The following RFX3 variants were observed in gnomAD, a reference collection of about 807,000 sequenced individuals.
RFX3 encodes transcription factor RFX3.
A neutral mutation model predicts 98.6 loss-of-function variants in RFX3; 14 were observed. That is an observed-to-expected ratio of 0.14 (90% CI 0.09 to 0.22). RFX3 has a LOEUF of 0.22. RFX3 is among the 10% of genes least tolerant of loss of function. The probability of loss-of-function intolerance (pLI) is 1.00; values close to 1 mark genes in which losing one functional copy is unlikely to be tolerated. For synonymous variants in RFX3, 383 were observed against 328.4 expected, an observed-to-expected ratio of 1.17 and a Z score of -1.80; for missense variants, 639 against 926.9, an observed-to-expected ratio of 0.69 and a Z score of 4.03.
chr9:3,374,092 GCACA>G (rs35924655), intron 2 of RFX3, among the ~76,000 whole-genome samples: 3,492 of 147,890 alleles, frequency 0.024, 73 homozygotes, highest in African/African-American at 0.058. Flanking sequence ...ACACACGCGC[GCACA>G]CACACACACA....
At chr9:3,418,579 C>A (rs2132305806) in intron 1 of RFX3, among the ~76,000 whole-genome samples, 1 of 152,154 alleles carries the variant, frequency 6.6e-6, no homozygotes, top group Non-Finnish European at 1.5e-5. Context: ...GGGGTTTCAC[C>A]AAGTTGGCCA....
rs562283445 is a variant in RFX3, at chr9:3,467,112, A to G, written c.-9+58635T>C. On this transcript the variant is annotated intron_variant, in intron 1 of 16. Coordinates refer to ENST00000617270, the MANE Select transcript of RFX3 (RefSeq NM_001282116.2). ...TACATATATGTAAGTATATATGTAT[A>G]TACATACATATATGTAAGTATATAT... Among the ~76,000 whole-genome samples the G allele has an allele frequency of 1.1e-4, 15 of 141,024 alleles. 1 individual carries two copies. The East Asian group carries it at 2.4e-3, about 22-fold the overall frequency. The allele number at this position is 141,024 out of a possible 152,430, so 92.5% of individuals were successfully genotyped here. A position where few individuals can be genotyped will look rare whatever the true frequency, so the allele number is the denominator to read the frequency against.
chr9:3,351,305 G>A (rs905736195), intron 2 of RFX3, among the ~76,000 whole-genome samples: 2 of 151,802 alleles, frequency 1.3e-5, no homozygotes, highest in East Asian at 1.9e-4. Context: ...TTTAAAGTGT[G>A]TATGCACATA....
intron 1 of RFX3, among the ~76,000 whole-genome samples, chr9:3,502,758 C>CAATG (rs1412989783): frequency 2.0e-5 from 3 of 152,050 alleles, no homozygotes; most frequent in Non-Finnish European, 4.4e-5. Flanking sequence ...CAAGGCAGAG[C>CAATG]AATGGACTGG....
chr9:3,284,850 T>C (rs1000927885), intron 7 of RFX3, among the ~76,000 whole-genome samples: 1 of 151,732 alleles, frequency 6.6e-6, no homozygotes, highest in African/African-American at 2.4e-5. Context: ...CTCTATGACA[T>C]CTGCTTTCCA....
At chr9:3,321,916 T>C (rs1350835213) in intron 4 of RFX3, among the ~76,000 whole-genome samples, 1 of 152,140 alleles carries the variant, frequency 6.6e-6, no homozygotes. Context: ...TCACAGGCAA[T>C]GCCTCCTTTA....
At chr9:3,470,440 G>A (rs531051199) in intron 1 of RFX3, among the ~76,000 whole-genome samples, 89 of 150,550 alleles carry the variant, frequency 5.9e-4, no homozygotes, top group Non-Finnish European at 9.9e-4. Flanking sequence ...TTAGCCTCCC[G>A]AGTAGCTGGG....
chr9:3,376,213 A>C (rs1838472560), intron 2 of RFX3, among the ~76,000 whole-genome samples: 1 of 152,240 alleles, frequency 6.6e-6, no homozygotes. Context: ...TCAAGCAAGT[A>C]GAACTCTCAT....
At chr9:3,407,957 G>T (rs1160067912) in intron 1 of RFX3, among the ~76,000 whole-genome samples, 1 of 152,118 alleles carries the variant, frequency 6.6e-6, no homozygotes, top group African/African-American at 2.4e-5. Context: ...ATGTGCCACA[G>T]TGATTTCAGA....
chr9:3,376,993 G>C (rs1462898444), intron 2 of RFX3, among the ~76,000 whole-genome samples: 3 of 152,348 alleles, frequency 2.0e-5, no homozygotes, highest in African/African-American at 4.8e-5. Context: ...TACACTGTTG[G>C]TGGGACTGTA....
intron 1 of RFX3, among the ~76,000 whole-genome samples, chr9:3,504,062 C>T (rs984780231): frequency 4.7e-5 from 7 of 149,192 alleles, no homozygotes; most frequent in Non-Finnish European, 1.0e-4. Context: ...TTGAAAATGG[C>T]TCAATCGGCT....
At chr9:3,311,715 T>C (rs545349352) in intron 4 of RFX3, among the ~76,000 whole-genome samples, 28 of 150,832 alleles carry the variant, frequency 1.9e-4, no homozygotes, top group Admixed American at 1.7e-3. Context: ...CAAAACCTCA[T>C]CTCTACTAAA....
At chr9:3,454,044 G>T (rs1185715295) in intron 1 of RFX3, among the ~76,000 whole-genome samples, 1 of 152,004 alleles carries the variant, frequency 6.6e-6, no homozygotes, top group African/African-American at 2.4e-5. Context: ...TGTTTAAATG[G>T]ATATTTGAGT....
At chr9:3,346,608 A>G (rs1292353137) in intron 3 of RFX3, 59 bp downstream of exon 3, 1 of 1,096,846 alleles carries the variant, frequency 9.1e-7, no homozygotes, top group Non-Finnish European at 1.4e-6. Flanking sequence ...GAGGTGTTCA[A>G]AAGTACATTA....
At chr9:3,371,699 T>C (rs1350595879) in intron 2 of RFX3, among the ~76,000 whole-genome samples, 1 of 152,100 alleles carries the variant, frequency 6.6e-6, no homozygotes, top group Non-Finnish European at 1.5e-5. Flanking sequence ...AATTACTAAA[T>C]GATTGAGAAA....
chr9:3,432,315 A>T (rs7850133), intron 1 of RFX3, among the ~76,000 whole-genome samples: 5,675 of 152,196 alleles, frequency 0.037, 374 homozygotes, highest in African/African-American at 0.13. Context: ...CTCTAGATAA[A>T]GGGTCATAAG....
At chr9:3,330,820 C>T (rs1832507305) in intron 3 of RFX3, among the ~76,000 whole-genome samples, 1 of 152,116 alleles carries the variant, frequency 6.6e-6, no homozygotes, top group Non-Finnish European at 1.5e-5. Context: ...TCTTGCTGAA[C>T]AACTTCAATT....
At chr9:3,480,183 C>A (rs1849617827) in intron 1 of RFX3, among the ~76,000 whole-genome samples, 1 of 152,216 alleles carries the variant, frequency 6.6e-6, no homozygotes, top group African/African-American at 2.4e-5. Flanking sequence ...GCAGTTCTTA[C>A]AGTCATCTTG....
At chr9:3,270,744 A>G (rs1006596092) in intron 10 of RFX3, 5 of 666,848 alleles carry the variant, frequency 7.5e-6, no homozygotes, top group Non-Finnish European at 1.3e-5. Flanking sequence ...TTCTGACGGT[A>G]TGAAAGGCAG....
Sources: gnomAD v4.1 joint callset for allele counts (sites outside exome capture counted in the v4.1 genomes callset) on GRCh38, gnomAD v4.1.1 for gene constraint, MANE v1.5 for transcripts, NCBI Gene and HGNC (gene_info 2026-07-23, HGNC 2026-07-21) for gene names.